Variants in CPAP observed in about 807,000 individuals in gnomAD.
CPAP encodes centrosome assembly and centriole elongation protein.
chr13:24,912,763 G>C, the CPAP span: 5 of 1,614,162 alleles, frequency 3.1e-6, no homozygotes. Flanking sequence ...ATCTGACTGT[G>C]GTTTGTAAGG....
the CPAP span, chr13:24,905,487 A>G: frequency 6.2e-7 from 1 of 1,614,064 alleles, no homozygotes; most frequent in Non-Finnish European, 8.5e-7. Flanking sequence ...GACTTGCTCA[A>G]GTCTTCTCCC....
the CPAP span, among the ~76,000 whole-genome samples, chr13:24,923,368 A>G: frequency 6.6e-6 from 1 of 151,964 alleles, no homozygotes; most frequent in Non-Finnish European, 1.5e-5. Context: ...AGTCCGCTAC[A>G]CCATTTCGTA....
the CPAP span, chr13:24,899,675 T>C: frequency 2.1e-6 from 2 of 950,944 alleles, no homozygotes; most frequent in African/African-American, 3.2e-5. Context: ...CTGCTAGTCC[T>C]AGTGAATTCA....
the CPAP span, chr13:24,909,905 T>A: frequency 6.2e-7 from 1 of 1,614,132 alleles, no homozygotes; most frequent in Non-Finnish European, 8.5e-7. Context: ...AGACAAAATC[T>A]CCATGAGCAG....
chr13:24,906,378 CAA>C, the CPAP span: 2 of 1,612,742 alleles, frequency 1.2e-6, no homozygotes, highest in Non-Finnish European at 1.7e-6. Flanking sequence ...AGAGAAACGT[CAA>C]GAGAAGATTC....
chr13:24,887,119 A>T, the CPAP span, among the ~76,000 whole-genome samples: 1 of 152,174 alleles, frequency 6.6e-6, no homozygotes, highest in South Asian at 2.1e-4. Flanking sequence ...TGACCCCAAG[A>T]TAGGGAAAGA....
chr13:24,911,917 T>A, the CPAP span: 1 of 1,613,780 alleles, frequency 6.2e-7, no homozygotes, highest in Non-Finnish European at 8.5e-7. Flanking sequence ...ATGTGCATTA[T>A]ACTGAGGCCC....
chr13:24,899,540 G>A, the CPAP span: 1 of 1,613,856 alleles, frequency 6.2e-7, no homozygotes, highest in South Asian at 1.1e-5. Context: ...TTCTATTCGA[G>A]CTAATTCTTT....
the CPAP span, chr13:24,905,291 G>A: frequency 4.0e-6 from 6 of 1,503,996 alleles, no homozygotes; most frequent in Non-Finnish European, 5.6e-6. Context: ...ACAGCATACT[G>A]ATTAATGTTA....
the CPAP span, among the ~76,000 whole-genome samples, chr13:24,913,444 C>T: frequency 1.3e-5 from 2 of 151,950 alleles, no homozygotes; most frequent in Non-Finnish European, 2.9e-5. Context: ...CACTTTCTTG[C>T]TTCTGGCCCT....
At chr13:24,905,134 G>C in the CPAP span, among the ~76,000 whole-genome samples, 2 of 152,288 alleles carry the variant, frequency 1.3e-5, no homozygotes, top group Admixed American at 6.5e-5. Context: ...AAACGTAGAA[G>C]CTTTGATGTT....
chr13:24,923,581 T>C, the CPAP span, among the ~76,000 whole-genome samples: 7 of 152,280 alleles, frequency 4.6e-5, no homozygotes, highest in East Asian at 1.2e-3. Flanking sequence ...TACAGCACCG[T>C]GAGTTACCAC....
chr13:24,922,749 C>T, the CPAP span: 22 of 152,446 alleles, frequency 1.4e-4, no homozygotes, highest in African/African-American at 5.3e-4. Context: ...GCTCTTTTCG[C>T]CCACAAATTA....
At chr13:24,900,775 C>T in the CPAP span, among the ~76,000 whole-genome samples, 1 of 152,148 alleles carries the variant, frequency 6.6e-6, no homozygotes, top group East Asian at 1.9e-4. Context: ...CAGAGAAAGC[C>T]AATGGGGTCC....
the CPAP span, chr13:24,906,225 G>T: frequency 1.2e-5 from 19 of 1,609,536 alleles, no homozygotes; most frequent in Non-Finnish European, 1.6e-5. Context: ...CAGATCTGTT[G>T]ATCCCTTTCT....
the CPAP span, among the ~76,000 whole-genome samples, chr13:24,932,400 C>T: frequency 6.6e-6 from 1 of 152,310 alleles, no homozygotes; most frequent in Non-Finnish European, 1.5e-5. Context: ...TCACTTGAAC[C>T]GGGAGGCGGA....
the CPAP span, chr13:24,909,841 C>T: frequency 6.2e-7 from 1 of 1,613,894 alleles, no homozygotes; most frequent in Non-Finnish European, 8.5e-7. Context: ...TCCACAGGTG[C>T]TTCTTGATAC....
At chr13:24,883,456 A>T in the CPAP span, 2 of 1,089,658 alleles carry the variant, frequency 1.8e-6, no homozygotes, top group Non-Finnish European at 2.6e-6. Flanking sequence ...TAGCCTTTTG[A>T]GTCTGGCAGC....
chr13:24,919,979 C>G, the CPAP span, among the ~76,000 whole-genome samples: 1 of 151,838 alleles, frequency 6.6e-6, no homozygotes, highest in Non-Finnish European at 1.5e-5. Context: ...CCTATGTTGC[C>G]CAGGCTGATC....
Sources: allele counts gnomAD v4.1 joint callset (sites outside exome capture counted in the v4.1 genomes callset), GRCh38; gene constraint gnomAD v4.1.1; transcripts MANE v1.5; gene names NCBI Gene and HGNC (gene_info 2026-07-23, HGNC 2026-07-21).